SP1: variants seen among roughly 807,000 people sequenced by gnomAD.
The protein encoded by SP1 is Sp1 transcription factor, also known as transcription factor Sp1.
A neutral mutation model predicts 66.3 loss-of-function variants in SP1; 6 were observed. The ratio of observed to expected loss-of-function variants is 0.09; its 90% CI spans 0.05 to 0.18. The LOEUF (loss-of-function observed/expected upper bound fraction) is 0.18. SP1 is among the 10% of genes least tolerant of loss of function. The probability of loss-of-function intolerance (pLI) is 1.00; values close to 1 mark genes in which losing one functional copy is unlikely to be tolerated. For synonymous variants in SP1, 417 were observed against 360.8 expected, an observed-to-expected ratio of 1.16 and a Z score of -1.77; for missense variants, 848 against 964.5, an observed-to-expected ratio of 0.88 and a Z score of 1.60.
chr12:53,384,023 G>A (rs1440977792), intron 3 of SP1, among the ~76,000 whole-genome samples: 1 of 150,234 alleles, frequency 6.7e-6, no homozygotes, highest in African/African-American at 2.4e-5. Flanking sequence ...AGGCTGGAGT[G>A]CAGTGGCGCG....
chr12:53,408,245 C>CAAAAAA (rs548495020), intron 4 of SP1, among the ~76,000 whole-genome samples: 91 of 97,706 alleles, frequency 9.3e-4, no homozygotes, highest in East Asian at 3.9e-3. Context: ...GACTCTGTCT[C>CAAAAAA]AAAAAAAAAA....
Position 53,382,705 on chromosome 12 carries a change from T to G in SP1, c.758T>G (p.Val253Gly). The G allele has an allele frequency of 6.2e-7, 1 of 1,614,162 alleles. No individual in the cohort carries two copies. Among genetic ancestry groups the G allele is most frequent in the Non-Finnish European group, 8.5e-7 (1 of 1,180,024 alleles). Residue 253 changes from valine to glycine, a missense_variant, in exon 3 of 6, where the codon GTG becomes GGG. Physicochemically the swap from Val to Gly is moderately radical, Grantham distance 109. This residue lies in a region of SP1 where 606 missense variants were observed against 589.9 expected (regional missense o/e 1.03). Coordinates refer to ENST00000327443, the MANE Select transcript of SP1 (RefSeq NM_138473.3). The part of the protein sequence containing the change: ...NNVLSGQTQY[V>G]TNVPVALNGN... Reference sequence around the variant, plus strand: ...GTACTCTCAGGACAGACTCAGTATGTGACCAATGTACCAGTGGCCCTGAAT... The same window carrying G: ...GTACTCTCAGGACAGACTCAGTATGGGACCAATGTACCAGTGGCCCTGAAT...
At chr12:53,381,600 T>C in intron 1 of SP1, 59 bp from the exon 2 acceptor site, 1 of 1,483,336 alleles carries the variant, frequency 6.7e-7, no homozygotes, top group African/African-American at 1.4e-5. Context: ...CTTTTATCCT[T>C]CCTACTTCAT....
chr12:53,390,571 T>C (rs931340160), intron 3 of SP1, among the ~76,000 whole-genome samples: 3 of 151,936 alleles, frequency 2.0e-5, no homozygotes, highest in Non-Finnish European at 4.4e-5. Flanking sequence ...TAGTCCCAGC[T>C]AGTCAGGAGG....
At chr12:53,401,891 A>C (rs1592567961) in intron 3 of SP1, among the ~76,000 whole-genome samples, 1 of 152,120 alleles carries the variant, frequency 6.6e-6, no homozygotes, top group East Asian at 1.9e-4. Flanking sequence ...CTGGCCTGGA[A>C]CTCCTGGCCT....
At chr12:53,402,263 G>A (rs927143899) in intron 3 of SP1, among the ~76,000 whole-genome samples, 5 of 135,782 alleles carry the variant, frequency 3.7e-5, no homozygotes, top group Non-Finnish European at 7.7e-5. Flanking sequence ...TGCTCTTGTC[G>A]CCCAGGCTGG....
At position 53,382,272 on chromosome 12, in the gene SP1, A is replaced by C; in HGVS notation, c.325A>C (p.Ile109Leu). 1 of 1,614,186 alleles carries C rather than the reference A, an allele frequency of 6.2e-7. No individual in the cohort carries two copies. ...QLSQGANGWQIISSSSGATPT... is the reference protein window; with the variant it reads ...QLSQGANGWQLISSSSGATPT... ...TTCACAGGGTGCCAATGGCTGGCAG[A>C]TCATCTCTTCCTCCTCTGGGGCTAC... is the stretch of plus-strand genomic sequence containing the variant. Residue 109 changes from isoleucine to leucine, a missense_variant, in exon 3 of 6, where the codon ATC becomes CTC. By Grantham distance (5) the Ile-to-Leu change is conservative (BLOSUM62 2). This residue lies in a region of SP1 where 606 missense variants were observed against 589.9 expected (regional missense o/e 1.03). Coordinates refer to ENST00000327443, the MANE Select transcript of SP1 (RefSeq NM_138473.3).
intron 3 of SP1, among the ~76,000 whole-genome samples, chr12:53,405,701 AGGAGGGAAGGAG>A (rs1281834636): frequency 6.7e-6 from 1 of 148,336 alleles, no homozygotes; most frequent in African/African-American, 2.5e-5. Flanking sequence ...GAGAGAAGGA[AGGAGGGAAGGAG>A]GGAGGGAGGG....
Position 53,413,340 on chromosome 12 carries a change from C to G in SP1, c.*2100C>G, listed in dbSNP as rs958055658. The G allele has an allele frequency of 1.3e-5, 2 of 152,102 alleles. No homozygotes were observed. Among genetic ancestry groups the G allele is most frequent in the South Asian group, 4.1e-4 (2 of 4,822 alleles). The allele number at this position is 152,102 out of a possible 1,614,324, so 9.4% of individuals were successfully genotyped here. Reference sequence around the variant, plus strand: ...CAACATCCAGATCTATAGCAGAGTCCTTATTCTTCTCATAAATCTTTTTAC... The same window carrying G: ...CAACATCCAGATCTATAGCAGAGTCGTTATTCTTCTCATAAATCTTTTTAC... On this transcript the variant is annotated 3_prime_UTR_variant, in exon 6 of 6. Transcript: ENST00000327443.
chr12:53,391,865 C>T (rs903262542), intron 3 of SP1, among the ~76,000 whole-genome samples: 6 of 151,636 alleles, frequency 4.0e-5, no homozygotes, highest in African/African-American at 1.5e-4. Flanking sequence ...GTTTTCTGTT[C>T]CAGCGTTTAT....
At position 53,382,685 on chromosome 12, in the gene SP1, C is replaced by G; in HGVS notation, c.738C>G (p.Leu246=). 1 of 1,614,190 alleles carries G rather than the reference C, an allele frequency of 6.2e-7. No individual in the cohort carries two copies. The highest frequency in any genetic ancestry group is 8.5e-7 in the Non-Finnish European group (1 of 1,180,028). The change falls in exon 3 of 6, where the codon CTC becomes CTG. Residue 246 remains leucine (L), a synonymous_variant. Transcript: ENST00000327443. The stretch of plus-strand genomic sequence containing the variant: ...TCCAAGGCCTGGCTAATAATGTACT[C>G]TCAGGACAGACTCAGTATGTGACCA... ...VPLQGLANNV[L]SGQTQYVTNV...
chr12:53,406,897 T>C (rs556701884), intron 4 of SP1, 144 bp downstream of exon 4: 1 of 663,272 alleles, frequency 1.5e-6, no homozygotes. Context: ...CAATCTTGGC[T>C]CACTGCAAAC....
chr12:53,406,057 TTTTC>T (rs1330018777), intron 3 of SP1, among the ~76,000 whole-genome samples: 2 of 147,250 alleles, frequency 1.4e-5, no homozygotes, highest in Non-Finnish European at 3.0e-5. Flanking sequence ...GCTCTTGGTA[TTTTC>T]TTTCTTTTTT....
At chr12:53,410,848 A>T (rs1938867492) in intron 5 of SP1, 79 bp from the exon 6 acceptor site, 1 of 1,010,408 alleles carries the variant, frequency 9.9e-7, no homozygotes, top group Non-Finnish European at 1.5e-6. Flanking sequence ...TACTCAGCTT[A>T]GTAGAGTAAG....
Position 53,384,664 on chromosome 12 carries a change from G to GC in SP1, c.1675+1044dup, listed in dbSNP as rs1317637410. ...ATTCTTAGCTCTAAGGCCTTCTTTG[G>GC]CCTGTAGGCCAACTCCTCCATAGGA... On this transcript the variant is annotated intron_variant, in intron 3 of 5. Coordinates refer to ENST00000327443, the MANE Select transcript of SP1 (RefSeq NM_138473.3). Among the ~76,000 whole-genome samples the GC allele has an allele frequency of 3.3e-5, 5 of 152,078 alleles. No individual in the cohort carries two copies. In the East Asian group the frequency reaches 9.6e-4, roughly 29 times the overall value.
intron 4 of SP1, among the ~76,000 whole-genome samples, chr12:53,407,628 A>C (rs950039269): frequency 4.4e-5 from 6 of 136,904 alleles, no homozygotes; most frequent in Non-Finnish European, 7.9e-5. Flanking sequence ...CTGGCCAAAA[A>C]AATTTATTTA....
intron 4 of SP1, among the ~76,000 whole-genome samples, chr12:53,408,300 G>A (rs1424581031): frequency 2.8e-5 from 4 of 142,284 alleles, no homozygotes; most frequent in Non-Finnish European, 6.1e-5. Flanking sequence ...GCAACGGCAC[G>A]ATCTCGGCTC....
rs190995330 is a variant in SP1 at position 53,412,231 on chromosome 12, G to A, written c.*991G>A. 1.3e-5 allele frequency: 2 copies of A among 152,648 alleles called. No individual in the cohort carries two copies. Among genetic ancestry groups the A allele is most frequent in the East Asian group, 3.9e-4 (2 of 5,188 alleles). 9.5% of individuals were successfully genotyped at this position (152,648 alleles called of 1,614,324 possible). ...GAAGTCTTTCAGTGGAATTGTACAA[G>A]AGTCCCTTTGAAGATAATAATCTTG... On this transcript the variant is annotated 3_prime_UTR_variant, in exon 6 of 6. Transcript: ENST00000327443.
At position 53,413,866 on chromosome 12, in the gene SP1, T is replaced by G. The variant is rs1200494494; in HGVS notation, c.*2626T>G. The G allele has an allele frequency of 6.6e-6, 1 of 152,238 alleles. No homozygotes were observed. Among genetic ancestry groups the G allele is most frequent in the Non-Finnish European group, 1.5e-5 (1 of 68,040 alleles). The allele number at this position is 152,238 out of a possible 1,614,324, so 9.4% of individuals were successfully genotyped here. On this transcript the variant is annotated 3_prime_UTR_variant, in exon 6 of 6. Coordinates refer to ENST00000327443, the MANE Select transcript of SP1 (RefSeq NM_138473.3). ...GGTATTTCTTTCTCGAATGAAAAGC[T>G]GCTGGTTTACCCTCAACCCTATTCA...
Sources: allele counts gnomAD v4.1 joint callset (sites outside exome capture counted in the v4.1 genomes callset), GRCh38; gene constraint gnomAD v4.1.1; regional missense constraint gnomAD v4.1.1; transcripts MANE v1.5; gene names NCBI Gene and HGNC (gene_info 2026-07-23, HGNC 2026-07-21).